DSCAM: variants seen among roughly 807,000 people sequenced by gnomAD.
DSCAM encodes cell adhesion molecule DSCAM.
Under a neutral mutation model 217.7 loss-of-function variants are expected in DSCAM, and 47 were observed. The ratio of observed to expected loss-of-function variants is 0.22; its 90% confidence interval spans 0.17 to 0.28. The LOEUF is 0.28. Among genes scored for constraint, DSCAM ranks in the 10% least tolerant of loss-of-function variants. DSCAM has a pLI of 1.00. For synonymous variants in DSCAM, 1,056 were observed against 1,015.3 expected (o/e 1.04, Z -0.76); for missense variants, 2,080 against 2,618.3 (o/e 0.79, Z 4.49).
intron 3 of DSCAM, among the ~76,000 whole-genome samples, chr21:40,506,750 C>CT (rs1197630458): frequency 6.6e-6 from 1 of 152,120 alleles, no homozygotes; most frequent in Non-Finnish European, 1.5e-5. Context: ...GTTTTTAAAA[C>CT]TGTTACATTG....
chr21:40,432,420 C>T (rs575948332), intron 3 of DSCAM, among the ~76,000 whole-genome samples: 12 of 152,174 alleles, frequency 7.9e-5, no homozygotes, highest in South Asian at 2.1e-4. Flanking sequence ...CCTCCCACTT[C>T]GGCCCTCCAG....
At chr21:40,352,122 C>T (rs1272876298) in intron 5 of DSCAM, among the ~76,000 whole-genome samples, 1 of 152,146 alleles carries the variant, frequency 6.6e-6, no homozygotes, top group Non-Finnish European at 1.5e-5. Context: ...CTCCCACATG[C>T]TTAGTGTTCC....
chr21:40,418,952 A>G (rs891657524), intron 3 of DSCAM, among the ~76,000 whole-genome samples: 1 of 152,136 alleles, frequency 6.6e-6, no homozygotes, highest in Non-Finnish European at 1.5e-5. Flanking sequence ...GGACACAGAA[A>G]AGGAAATAAT....
intron 3 of DSCAM, among the ~76,000 whole-genome samples, chr21:40,688,572 T>C (rs78111814): frequency 0.05 from 7,567 of 152,300 alleles, 217 homozygotes; most frequent in East Asian, 0.12. Context: ...ATCATGACTC[T>C]TGTTCTTCCT....
chr21:40,421,642 C>A (rs536457382), intron 3 of DSCAM, among the ~76,000 whole-genome samples: 1 of 152,340 alleles, frequency 6.6e-6, no homozygotes, highest in East Asian at 1.9e-4. Context: ...TGAATTTCCG[C>A]CATCAAGGGG....
At chr21:40,183,614 G>A (rs1485878031) in intron 14 of DSCAM, among the ~76,000 whole-genome samples, 1 of 152,314 alleles carries the variant, frequency 6.6e-6, no homozygotes. Flanking sequence ...TAAGAGGTGG[G>A]AGGAGAGACA....
At chr21:40,245,891 A>G (rs2073217632) in intron 11 of DSCAM, among the ~76,000 whole-genome samples, 1 of 152,286 alleles carries the variant, frequency 6.6e-6, no homozygotes, top group African/African-American at 2.4e-5. Context: ...CTCCACAGCA[A>G]TGGATCAGAA....
At position 40,479,763 on chromosome 21, in the gene DSCAM, C is replaced by T. The variant is rs537778541; in HGVS notation, c.509-110518G>A. ...AGATTTGGGTGGGGACACAGCCAGA[C>T]CATATCACATGGGATTCTCCACATG... On this transcript the variant is annotated intron_variant, in intron 3 of 32. Transcript: ENST00000400454. Among the ~76,000 whole-genome samples the T allele has an allele frequency of 2.0e-5, 3 of 152,198 alleles. No individual in the cohort carries two copies. The South Asian group carries it at 6.2e-4, about 32-fold the overall frequency.
At chr21:40,247,569 T>A (rs1384102699) in intron 11 of DSCAM, among the ~76,000 whole-genome samples, 1 of 152,240 alleles carries the variant, frequency 6.6e-6, no homozygotes, top group Non-Finnish European at 1.5e-5. Flanking sequence ...ATGTCTTGCA[T>A]CCAGGTCATG....
At chr21:40,494,574 G>C (rs571707960) in intron 3 of DSCAM, among the ~76,000 whole-genome samples, 2 of 152,128 alleles carry the variant, frequency 1.3e-5, no homozygotes, top group African/African-American at 2.4e-5. Context: ...AATGAAAACA[G>C]AGACAGTGTG....
chr21:40,050,885 G>T (rs75403636), intron 30 of DSCAM, among the ~76,000 whole-genome samples: 4,978 of 152,144 alleles, frequency 0.033, 127 homozygotes, highest in African/African-American at 0.067. Context: ...GAAGAAAGGC[G>T]GTAAGAAGAT....
intron 3 of DSCAM, among the ~76,000 whole-genome samples, chr21:40,615,043 C>G (rs187154221): frequency 8.6e-5 from 13 of 151,734 alleles, no homozygotes; most frequent in African/African-American, 3.1e-4. Flanking sequence ...GTGGCTCACG[C>G]CTGTAATCCC....
At chr21:40,556,407 G>A (rs182417062) in intron 3 of DSCAM, among the ~76,000 whole-genome samples, 20 of 152,218 alleles carry the variant, frequency 1.3e-4, no homozygotes, top group African/African-American at 4.1e-4. Context: ...AGAAAAAAAC[G>A]TTATTAAGAA....
chr21:40,781,930 C>T (rs1374803577), intron 1 of DSCAM, among the ~76,000 whole-genome samples: 3 of 134,604 alleles, frequency 2.2e-5, no homozygotes, highest in African/African-American at 8.6e-5. Flanking sequence ...GGGCGGATCA[C>T]GAGGTCAAGA....
At chr21:40,135,444 A>G (rs1403142977) in intron 18 of DSCAM, among the ~76,000 whole-genome samples, 1 of 152,252 alleles carries the variant, frequency 6.6e-6, no homozygotes, top group East Asian at 1.9e-4. Flanking sequence ...CAGACAAGGA[A>G]GTCGAGGGAC....
intron 3 of DSCAM, among the ~76,000 whole-genome samples, chr21:40,370,775 C>G (rs745787839): frequency 2.0e-5 from 3 of 151,996 alleles, no homozygotes; most frequent in Non-Finnish European, 4.4e-5. Context: ...AGTGGGCCAT[C>G]ACACCTGGCT....
intron 3 of DSCAM, among the ~76,000 whole-genome samples, chr21:40,567,945 G>A (rs542289371): frequency 6.7e-6 from 1 of 148,562 alleles, no homozygotes; most frequent in Admixed American, 6.7e-5. Context: ...TTTTTGTTTG[G>A]TTTTTTTTTT....
At chr21:40,304,933 T>A (rs1216098746) in intron 9 of DSCAM, among the ~76,000 whole-genome samples, 1 of 152,076 alleles carries the variant, frequency 6.6e-6, no homozygotes, top group African/African-American at 2.4e-5. Flanking sequence ...ACAGACATAA[T>A]AATAATGATA....
intron 4 of DSCAM, among the ~76,000 whole-genome samples, chr21:40,360,185 G>A (rs2074745464): frequency 7.6e-6 from 1 of 132,250 alleles, no homozygotes; most frequent in Admixed American, 8.9e-5. Flanking sequence ...ACGCTAGAGT[G>A]CAGTGGCGTG....
Sources: gnomAD v4.1 joint callset for allele counts (sites outside exome capture counted in the v4.1 genomes callset) on GRCh38, gnomAD v4.1.1 for gene constraint, MANE v1.5 for transcripts, NCBI Gene and HGNC (gene_info 2026-07-23, HGNC 2026-07-21) for gene names.